The following PROZ variants were observed in gnomAD, a reference collection of about 807,000 sequenced individuals.
The protein encoded by PROZ is protein Z, vitamin K dependent plasma glycoprotein, also known as vitamin K-dependent protein Z.
A neutral mutation model predicts 34.9 loss-of-function variants in PROZ; 46 were observed. That is an observed-to-expected ratio of 1.32 (90% CI 1.04 to 1.69). PROZ has a LOEUF of 1.69. PROZ is among the 40% of genes most tolerant of loss of function. The pLI is 0.00. For missense variants in PROZ, 530 were observed against 520.4 expected, an observed-to-expected ratio of 1.02 and a Z score of -0.18; for synonymous variants, 195 against 208.5, an observed-to-expected ratio of 0.94 and a Z score of 0.56.
chr13:113,172,147 G>A lies in PROZ; in HGVS notation c.*42G>A, dbSNP rs761400017. On this transcript the variant is annotated 3_prime_UTR_variant, in exon 8 of 8. Transcript: ENST00000375547. ...CAGAATGAACAACACAACCGGAAGC[G>A]GGATTCCAAGCTGGCACTGCCACTG... is the stretch of plus-strand genomic sequence containing the variant. 23 of 1,604,386 alleles carry A rather than the reference G, an allele frequency of 1.4e-5. No homozygotes were observed. Among genetic ancestry groups the A allele is most frequent in the South Asian group, 1.0e-4 (9 of 89,958 alleles).
At position 113,171,763 on chromosome 13, in the gene PROZ, C is replaced by T. The variant is rs1407952552; in HGVS notation, c.861C>T (p.Phe287=). 4.3e-6 allele frequency: 7 copies of T among 1,611,946 alleles called. No individual in the cohort carries two copies. The East Asian group carries it at 1.1e-4, about 26-fold the overall frequency. The change falls in exon 8 of 8, where the codon TTC becomes TTT. Residue 287 remains phenylalanine (F), a synonymous_variant. Coordinates refer to ENST00000375547, the MANE Select transcript of PROZ (RefSeq NM_003891.3). This position sits in a 1 kb window ranked among gnomAD's most constrained non-coding sequence, Gnocchi z 5.1. The part of the protein sequence containing the change: ...GLPVCTPEKD[F]AEHLLIPRTR... Reference sequence around the variant, plus strand: ...CCGTGTGCACCCCTGAGAAAGACTTCGCTGAGCACCTCCTCATCCCACGCA... The same window carrying T: ...CCGTGTGCACCCCTGAGAAAGACTTTGCTGAGCACCTCCTCATCCCACGCA...
In PROZ at chr13:113,158,715, C is replaced by A; in HGVS notation, c.55C>A (p.Arg19Ser). 6.2e-7 allele frequency: 1 copy of A among 1,605,520 alleles called. No homozygotes were observed. Residue 19 changes from arginine to serine, a missense_variant, in exon 1 of 8, where the codon CGT (arginine) becomes AGT (serine). Arg to Ser is a moderately radical substitution (Grantham distance 110). Transcript: ENST00000375547. This position sits in a 1 kb window ranked among gnomAD's most constrained non-coding sequence, Gnocchi z 4.3. ...QGLVLVLALH[R>S]VEPSVFLPAS... ...CCTGGTCCTGGTCCTCGCCCTCCAT[C>A]GTGTGGAGCCCTCAGGTAGGCATCT...
Position 113,163,185 on chromosome 13 carries a change from G to A in PROZ, c.373+63G>A, listed in dbSNP as rs569488291. The A allele has an allele frequency of 8.6e-4, 1,167 of 1,362,972 alleles. 1 individual carries two copies. The highest frequency in any genetic ancestry group is 3.5e-3 in the Middle Eastern group (19 of 5,420). 84.4% of individuals were successfully genotyped at this position (1,362,972 alleles called of 1,614,324 possible). A position where few individuals can be genotyped will look rare whatever the true frequency, so the allele number is the denominator to read the frequency against. The stretch of plus-strand genomic sequence containing the variant: ...CTGGGCAGGTGGGCCTCACATCCTC[G>A]GCCAGAGTCCCAATGGGCCCCTCCT... On this transcript the variant is annotated intron_variant, in intron 4 of 7. Transcript: ENST00000375547.
chr13:113,159,259 AAAGCTGC>A lies in PROZ; in HGVS notation c.70+533_70+539del. The A allele has an allele frequency of 6.5e-7, 1 of 1,547,212 alleles. No individual in the cohort carries two copies. Among genetic ancestry groups the A allele is most frequent in the Non-Finnish European group, 8.7e-7 (1 of 1,143,766 alleles). On this transcript the variant is annotated intron_variant, in intron 1 of 7. Transcript: ENST00000375547. This position sits in a 1 kb window ranked among gnomAD's most constrained non-coding sequence, Gnocchi z 4.6. ...GACTCTGCCTGCACAGGCGTCCAGG[AAAGCTGC>A]AAGTCAAAACACCCAGCATCCCCGC...
chr13:113,170,138 A>AG (rs2037065432), intron 6 of PROZ, among the ~76,000 whole-genome samples: 1 of 152,100 alleles, frequency 6.6e-6, no homozygotes, highest in African/African-American at 2.4e-5. Context: ...TTCAGGTGGG[A>AG]GGGTAAATCT....
In PROZ at chr13:113,171,985, C is replaced by A. The variant is rs1243121593; in HGVS notation, c.1083C>A (p.His361Gln). The A allele has an allele frequency of 2.5e-6, 4 of 1,613,276 alleles. 1 individual carries two copies. The highest frequency in any genetic ancestry group is 2.2e-5 in the East Asian group (1 of 44,900). Residue 361 changes from histidine (H) to glutamine (Q), a missense_variant, in exon 8 of 8, where the codon CAC becomes CAA. His to Gln is a conservative substitution (Grantham distance 24). Transcript: ENST00000375547. The surrounding 1 kb of genome is among the most constrained non-coding windows in gnomAD (Gnocchi z 5.1). ...ATGGAAGTGTGGTCACCAGAGAACA[C>A]AGAGGCTCCTGGTTTCTCACGGGGG... ...WMDGSVVTRE[H>Q]RGSWFLTGVL...
rs1258419111 is a variant in PROZ at position 113,165,095 on chromosome 13, C to T, written c.548C>T (p.Pro183Leu). The T allele has an allele frequency of 3.1e-6, 5 of 1,612,464 alleles. No homozygotes were observed. The highest frequency in any genetic ancestry group is 2.2e-5 in the South Asian group (2 of 91,060). Residue 183 changes from proline to leucine, a missense_variant, in exon 6 of 8, where the codon CCG becomes CTG. By Grantham distance (98) the Pro-to-Leu change is moderately conservative. Coordinates refer to ENST00000375547, the MANE Select transcript of PROZ (RefSeq NM_003891.3). ...CGVLTSEKRA[P>L]DLQDLPWQVK... ...GTGCTGACCTCTGAGAAGCGTGCAC[C>T]GGATCTACAGGACCTCCCGTGGCAG...
chr13:113,160,876 A>G, intron 2 of PROZ, 72 bp from the exon 3 acceptor site: 1 of 1,325,500 alleles, frequency 7.5e-7, no homozygotes, highest in East Asian at 2.3e-5. Flanking sequence ...CTTACCTTCA[A>G]GTTCATCTAC....
chr13:113,171,892 C>T lies in PROZ; in HGVS notation c.990C>T (p.Val330=). 1 of 1,613,712 alleles carries T rather than the reference C, an allele frequency of 6.2e-7. No individual in the cohort carries two copies. The highest frequency in any genetic ancestry group is 8.5e-7 in the Non-Finnish European group (1 of 1,180,036). The change falls in exon 8 of 8, where the codon GTC becomes GTT. Residue 330 remains valine (V), a synonymous_variant. Coordinates refer to ENST00000375547, the MANE Select transcript of PROZ (RefSeq NM_003891.3). The surrounding 1 kb of genome is among the most constrained non-coding windows in gnomAD (Gnocchi z 5.1). ...TLVEGEECGQ[V]LNVTVTTRTY... The stretch of plus-strand genomic sequence containing the variant: ...TGGAGGGGGAGGAGTGCGGGCAGGT[C>T]CTGAATGTGACTGTCACCACCAGGA...
Position 113,160,151 on chromosome 13 carries a change from GA to G in PROZ, c.210del (p.Val71CysfsTer6). 1 of 1,614,154 alleles carries G rather than the reference GA, an allele frequency of 6.2e-7. No individual in the cohort carries two copies. The highest frequency in any genetic ancestry group is 8.5e-7 in the Non-Finnish European group (1 of 1,180,022). On this transcript the variant is annotated frameshift_variant, in exon 2 of 8. Coordinates refer to ENST00000375547, the MANE Select transcript of PROZ (RefSeq NM_003891.3). LOFTEE classifies it high-confidence loss of function. ...AATCTGTGTCTATGAAGAAGCAAGA[GA>G]AGTGTTTGAAAATGAAGTAGTCACT... ...EEICVYEEAR[E>X]VFENEVVTDE...
intron 6 of PROZ, chr13:113,166,492 C>T (rs771085245): frequency 1.3e-5 from 2 of 152,174 alleles, no homozygotes; most frequent in Non-Finnish European, 2.9e-5. Context: ...TCTTACAAGA[C>T]AGCTGTGCCC....
Position 113,163,418 on chromosome 13 carries a change from C to T in PROZ, c.373+296C>T, listed in dbSNP as rs568252150. Among the ~76,000 whole-genome samples, 385 of 152,308 alleles carry T rather than the reference C, an allele frequency of 2.5e-3. 1 individual carries two copies. Among genetic ancestry groups the T allele is most frequent in the Non-Finnish European group, 4.8e-3 (325 of 68,026 alleles). On this transcript the variant is annotated intron_variant, in intron 4 of 7. Transcript: ENST00000375547. ...CAACCATTCACAATCTGCTCACAGG[C>T]TGGGGGGGTCACACACAGGCGTCCT...
In PROZ at chr13:113,159,250, G is replaced by C. The variant is rs1363184759; in HGVS notation, c.70+520G>C. On this transcript the variant is annotated intron_variant, in intron 1 of 7. Coordinates refer to ENST00000375547, the MANE Select transcript of PROZ (RefSeq NM_003891.3). The surrounding 1 kb of genome is among the most constrained non-coding windows in gnomAD (Gnocchi z 4.6). ...CTCCATTCTGACTCTGCCTGCACAG[G>C]CGTCCAGGAAAGCTGCAAGTCAAAA... 6.5e-7 allele frequency: 1 copy of C among 1,548,580 alleles called. No homozygotes were observed. The highest frequency in any genetic ancestry group is 8.7e-7 in the Non-Finnish European group (1 of 1,145,114).
rs2037097760 is a variant in PROZ at position 113,171,103 on chromosome 13, T to C, written c.692-491T>C. On this transcript the variant is annotated intron_variant, in intron 7 of 7. Coordinates refer to ENST00000375547, the MANE Select transcript of PROZ (RefSeq NM_003891.3). The surrounding 1 kb of genome is among the most constrained non-coding windows in gnomAD (Gnocchi z 5.1). ...ATATCCCACTAATTTTTTGTATTTT[T>C]AGTAGAAATGGGGTTTTGCTATGTT... Among the ~76,000 whole-genome samples, 1 of 152,100 alleles carries C rather than the reference T, an allele frequency of 6.6e-6. No homozygotes were observed. The highest frequency in any genetic ancestry group is 1.5e-5 in the Non-Finnish European group (1 of 68,010).
intron 6 of PROZ, among the ~76,000 whole-genome samples, chr13:113,165,594 A>G (rs1436144343): frequency 6.6e-6 from 1 of 152,196 alleles, no homozygotes; most frequent in Non-Finnish European, 1.5e-5. Flanking sequence ...GCAGTGGTCC[A>G]GTCCCGGCTC....
Position 113,170,442 on chromosome 13 carries a change from C to T in PROZ, c.603C>T (p.Asp201=), listed in dbSNP as rs1431788633. Residue 201 remains aspartate (D), a synonymous_variant, in exon 7 of 8, where the codon GAC becomes GAT. Coordinates refer to ENST00000375547, the MANE Select transcript of PROZ (RefSeq NM_003891.3). The part of the protein sequence containing the change: ...QVKLTNSEGK[D]FCGGVIIREN... Reference sequence around the variant, plus strand: ...AGTTAACAAATTCCGAAGGAAAAGACTTCTGTGGTGGTGTTATAATACGGG... The same window carrying T: ...AGTTAACAAATTCCGAAGGAAAAGATTTCTGTGGTGGTGTTATAATACGGG... 1.2e-6 allele frequency: 2 copies of T among 1,607,704 alleles called. No individual in the cohort carries two copies. Among genetic ancestry groups the T allele is most frequent in the East Asian group, 4.5e-5 (2 of 44,870 alleles).
Position 113,159,951 on chromosome 13 carries a change from G to C in PROZ, c.71-63G>C. On this transcript the variant is annotated intron_variant, in intron 1 of 7. Coordinates refer to ENST00000375547, the MANE Select transcript of PROZ (RefSeq NM_003891.3). The surrounding 1 kb of genome is among the most constrained non-coding windows in gnomAD (Gnocchi z 4.6). Reference sequence around the variant, plus strand: ...TGGCGGCCGGCCGGGGAGGAAGCCAGGCAGCTCTGGAAAGCAGGGCCCTCG... The same window carrying C: ...TGGCGGCCGGCCGGGGAGGAAGCCACGCAGCTCTGGAAAGCAGGGCCCTCG... 6.3e-7 allele frequency: 1 copy of C among 1,597,802 alleles called. No individual in the cohort carries two copies. Among genetic ancestry groups the C allele is most frequent in the South Asian group, 1.1e-5 (1 of 90,654 alleles).
intron 5 of PROZ, 38 bp from the exon 6 acceptor site, chr13:113,165,015 C>T (rs559490181): frequency 1.4e-5 from 23 of 1,597,870 alleles, no homozygotes; most frequent in African/African-American, 2.7e-5. Context: ...GCTGAGAAGG[C>T]GCTGATTTTT....
At chr13:113,161,076 T>G (rs1396275039) in intron 3 of PROZ, 104 bp downstream of exon 3, 33 of 1,051,734 alleles carry the variant, frequency 3.1e-5, no homozygotes, top group Non-Finnish European at 4.3e-5. Context: ...ATGCCAAGCC[T>G]CTGGCTCCAG....
Sources: gnomAD v4.1 joint callset for allele counts (sites outside exome capture counted in the v4.1 genomes callset) on GRCh38, gnomAD v4.1.1 for gene constraint, Gnocchi (gnomAD v3.1) non-coding constraint, MANE v1.5 for transcripts, NCBI Gene and HGNC (gene_info 2026-07-23, HGNC 2026-07-21) for gene names.